Variants in SAMD3 observed in about 807,000 individuals in gnomAD.
SAMD3 encodes the protein sterile alpha motif domain containing 3, also known as sterile alpha motif domain-containing protein 3.
In SAMD3, 63 loss-of-function variants were observed where a neutral mutation model predicts 58.5. The observed-to-expected ratio is 1.08, with a 90% CI of 0.88 to 1.33. The LOEUF (loss-of-function observed/expected upper bound fraction) is 1.33. Among genes scored for constraint, SAMD3 ranks in the 40% most tolerant of loss-of-function variants. The probability of loss-of-function intolerance (pLI) is 0.00; values close to 1 mark genes in which losing one functional copy is unlikely to be tolerated. For missense variants in SAMD3, 604 were observed against 608.4 expected, an observed-to-expected ratio of 0.99 and a Z score of 0.08; for synonymous variants, 220 against 210.3, an observed-to-expected ratio of 1.05 and a Z score of -0.40.
At chr6:130,271,669 CATTGT>C (rs569370636) in intron 2 of SAMD3, among the ~76,000 whole-genome samples, 60 of 152,174 alleles carry the variant, frequency 3.9e-4, no homozygotes, top group Middle Eastern at 3.4e-3. Flanking sequence ...CAAATATATC[CATTGT>C]ATTAGTCTGT....
upstream of SAMD3, among the ~76,000 whole-genome samples, chr6:130,224,964 A>G (rs538762380): frequency 1.1e-3 from 164 of 152,118 alleles, 1 homozygote; most frequent in African/African-American, 3.0e-3. Flanking sequence ...ATTCATACCA[A>G]TTGGTAGGCT....
chr6:130,350,777 C>A (rs1777630341), intron 1 of SAMD3, among the ~76,000 whole-genome samples: 1 of 151,974 alleles, frequency 6.6e-6, no homozygotes, highest in Admixed American at 6.6e-5. Context: ...AATCTTAAGC[C>A]AAAAGTTTAG....
intron 2 of SAMD3, among the ~76,000 whole-genome samples, chr6:130,255,899 A>G (rs573637644): frequency 8.0e-4 from 122 of 151,590 alleles, no homozygotes; most frequent in Non-Finnish European, 1.6e-3. Context: ...TCTCTTTATT[A>G]GATAACTTAA....
intron 1 of SAMD3, among the ~76,000 whole-genome samples, chr6:130,218,537 A>G (rs1796096675): frequency 6.6e-6 from 1 of 152,212 alleles, no homozygotes; most frequent in South Asian, 2.1e-4. Context: ...AGTCACCAAG[A>G]CGTTTACTGC....
chr6:130,350,519 C>T lies in SAMD3; in HGVS notation c.-304+14601G>A, dbSNP rs375574700. 9.9e-5 allele frequency among the ~76,000 whole-genome samples: 15 copies of T among 152,110 alleles called. No homozygotes were observed. In the East Asian group the frequency reaches 1.9e-3, roughly 20 times the overall value. ...ACCTAGGAATCCAACTTACAAGGGA[C>T]ATGAAGGACCTCTTCAAGGAGAACT... On this transcript the variant is annotated intron_variant, in intron 1 of 13. Coordinates refer to the SAMD3 transcript ENST00000368134.
intron 8 of SAMD3, among the ~76,000 whole-genome samples, chr6:130,158,276 T>G (rs1251242750): frequency 6.6e-6 from 1 of 152,136 alleles, no homozygotes; most frequent in African/African-American, 2.4e-5. Flanking sequence ...TCTTAAAGAA[T>G]AATAAAGCAG....
intron 1 of SAMD3, among the ~76,000 whole-genome samples, chr6:130,335,531 G>T (rs985486564): frequency 1.3e-5 from 2 of 152,184 alleles, no homozygotes; most frequent in African/African-American, 4.8e-5. Context: ...CTGGGGTTTT[G>T]TAAGCCAACA....
At position 130,349,327 on chromosome 6, in the gene SAMD3, G is replaced by A. The variant is rs1397217060; in HGVS notation, c.-304+15793C>T. Among the ~76,000 whole-genome samples the A allele has an allele frequency of 4.7e-4, 72 of 152,016 alleles. 2 individuals carry two copies. In the South Asian group the frequency reaches 0.01, roughly 21 times the overall value. ...AAAAGATCAACAAAATTGATAGACC[G>A]CTAGCAAGACTAATAAAGAAGAAAA... On this transcript the variant is annotated intron_variant, in intron 1 of 13. Transcript: ENST00000368134.
At chr6:130,357,796 TA>T (rs1777878741) in intron 1 of SAMD3, among the ~76,000 whole-genome samples, 1 of 152,238 alleles carries the variant, frequency 6.6e-6, no homozygotes, top group Non-Finnish European at 1.5e-5. Flanking sequence ...CACACTTTAT[TA>T]AACACTGTAA....
intron 7 of SAMD3, among the ~76,000 whole-genome samples, chr6:130,178,242 C>G (rs1034774608): frequency 3.2e-5 from 4 of 125,678 alleles, no homozygotes; most frequent in African/African-American, 1.5e-4. Context: ...TCCCAAAGTG[C>G]TGGGATTACA....
chr6:130,190,193 C>T (rs149750178), intron 5 of SAMD3, among the ~76,000 whole-genome samples: 15 of 152,260 alleles, frequency 9.9e-5, no homozygotes, highest in African/African-American at 3.4e-4. Context: ...GAGTTTTCCA[C>T]GTGAGTCCAA....
chr6:130,190,473 T>C (rs984726406), intron 5 of SAMD3, among the ~76,000 whole-genome samples: 1 of 152,040 alleles, frequency 6.6e-6, no homozygotes, highest in Non-Finnish European at 1.5e-5. Flanking sequence ...ACTGAAATGA[T>C]AGGAAAATTT....
intron 1 of SAMD3, among the ~76,000 whole-genome samples, chr6:130,353,490 A>G (rs546227273): frequency 6.2e-4 from 95 of 152,326 alleles, no homozygotes; most frequent in African/African-American, 2.2e-3. Flanking sequence ...TGCACTTAAT[A>G]TAGGAAATAA....
chr6:130,221,734 CA>C (rs1021824298), intron 1 of SAMD3: 7 of 152,146 alleles, frequency 4.6e-5, no homozygotes, highest in Admixed American at 2.0e-4. Flanking sequence ...CTTGCTGTCT[CA>C]GGGGTGGCAG....
chr6:130,217,906 C>T (rs570102734), intron 1 of SAMD3, among the ~76,000 whole-genome samples: 1 of 152,186 alleles, frequency 6.6e-6, no homozygotes, highest in Non-Finnish European at 1.5e-5. Flanking sequence ...CCTACCGTGG[C>T]TGAACTTGAA....
chr6:130,213,188 C>T (rs960561354), intron 4 of SAMD3, among the ~76,000 whole-genome samples: 1 of 151,928 alleles, frequency 6.6e-6, no homozygotes, highest in African/African-American at 2.4e-5. Flanking sequence ...ATCCCAACTG[C>T]TTGGGAGGCG....
At chr6:130,280,905 C>T (rs1055425458) in intron 2 of SAMD3, among the ~76,000 whole-genome samples, 1 of 152,192 alleles carries the variant, frequency 6.6e-6, no homozygotes, top group African/African-American at 2.4e-5. Context: ...CAGTAGTTCT[C>T]TGATACCCTC....
rs150335340 is a variant in SAMD3 at position 130,336,879 on chromosome 6, T to C, written c.-303-23786A>G. ...GGATCAGTTTCTACACATGAATCAA[T>C]GTTTATACTCATGCAAATATATGCC... On this transcript the variant is annotated intron_variant, in intron 1 of 13. Transcript: ENST00000368134. 4.3e-3 allele frequency among the ~76,000 whole-genome samples: 648 copies of C among 152,354 alleles called. 5 individuals carry two copies. Among genetic ancestry groups the C allele is most frequent in the Middle Eastern group, 6.8e-3 (2 of 294 alleles).
At chr6:130,176,621 T>C (rs1278968632) in intron 7 of SAMD3, among the ~76,000 whole-genome samples, 1 of 152,162 alleles carries the variant, frequency 6.6e-6, no homozygotes, top group Non-Finnish European at 1.5e-5. Flanking sequence ...AGTATTATAA[T>C]AGGGGAAGAT....
Sources: allele counts gnomAD v4.1 joint callset (sites outside exome capture counted in the v4.1 genomes callset), GRCh38; gene constraint gnomAD v4.1.1; transcripts MANE v1.5; gene names NCBI Gene and HGNC (gene_info 2026-07-23, HGNC 2026-07-21).